Variants in ESCO1 observed in about 807,000 individuals in gnomAD.
ESCO1 encodes N-acetyltransferase ESCO1.
A neutral mutation model predicts 83.5 loss-of-function variants in ESCO1; 33 were observed. The observed-to-expected ratio is 0.40, with a 90% confidence interval of 0.30 to 0.53. The LOEUF (loss-of-function observed/expected upper bound fraction) is 0.53, where lower values mean the gene tolerates loss of function less well. ESCO1 is among the 20% of genes least tolerant of loss of function. The probability of loss-of-function intolerance (pLI) is 0.63; values close to 1 mark genes in which losing one functional copy is unlikely to be tolerated. For missense variants in ESCO1, 855 were observed against 968.0 expected (o/e 0.88, Z 1.55); for synonymous variants, 332 against 324.3 (o/e 1.02, Z -0.25).
At chr18:21,591,828 G>A (rs2038674787) in intron 1 of ESCO1, among the ~76,000 whole-genome samples, 1 of 151,934 alleles carries the variant, frequency 6.6e-6, no homozygotes, top group Non-Finnish European at 1.5e-5. Context: ...CTTCCGCAGT[G>A]TTTGTGTCCC....
At position 21,573,465 on chromosome 18, in the gene ESCO1, G is replaced by C; in HGVS notation, c.1379C>G (p.Ser460Cys). 6.2e-7 allele frequency: 1 copy of C among 1,611,902 alleles called. No individual in the cohort carries two copies. The stretch of plus-strand genomic sequence containing the variant: ...AATATCATTAATTTTCACTTCTTCA[G>C]AATTAATTTCTTTCATTTTTTCCTG... The part of the protein sequence containing the change: ...CQQEKMKEIN[S>C]EEVKINDITV... The change falls in exon 4 of 12, where the codon TCT becomes TGT. Residue 460 changes from serine (S) to cysteine (C), a missense_variant. Around this residue, in one of 2 missense-constraint regions of ESCO1, gnomAD observed 726 missense variants for 699.5 expected, o/e 1.04. Coordinates refer to ENST00000269214, the MANE Select transcript of ESCO1 (RefSeq NM_052911.3).
intron 1 of ESCO1, among the ~76,000 whole-genome samples, chr18:21,600,080 ACCCCACATCGCG>A (rs2038820860): frequency 6.6e-6 from 1 of 152,014 alleles, no homozygotes; most frequent in Non-Finnish European, 1.5e-5. Context: ...TAAAACCAAG[ACCCCACATCGCG>A]CCCCGCAAAC....
At chr18:21,597,808 A>C (rs2038787380) in intron 1 of ESCO1, among the ~76,000 whole-genome samples, 1 of 152,220 alleles carries the variant, frequency 6.6e-6, no homozygotes, top group Admixed American at 6.5e-5. Context: ...AACAGAGCAG[A>C]GGATATAAAT....
At chr18:21,533,931 G>T (rs975176986) in intron 10 of ESCO1, among the ~76,000 whole-genome samples, 1 of 152,062 alleles carries the variant, frequency 6.6e-6, no homozygotes, top group Non-Finnish European at 1.5e-5. Flanking sequence ...AGAGACAAGA[G>T]TCTGGCTATG....
Position 21,575,079 on chromosome 18 carries a change from G to T in ESCO1, c.-236C>A. The T allele has an allele frequency of 2.6e-6, 1 of 380,692 alleles. No individual in the cohort carries two copies. Among genetic ancestry groups the T allele is most frequent in the Non-Finnish European group, 4.6e-6 (1 of 215,900 alleles). 23.6% of individuals were successfully genotyped at this position (380,692 alleles called of 1,614,324 possible). A position where few individuals can be genotyped will look rare whatever the true frequency, so the allele number is the denominator to read the frequency against. ...GCTAAAAGACACTTGCTTTACTTTG[G>T]ACAAGGTAATAAAAATTTGAGGAAA... is the stretch of plus-strand genomic sequence containing the variant. On this transcript the variant is annotated 5_prime_UTR_variant, in exon 4 of 12. Coordinates refer to ENST00000269214, the MANE Select transcript of ESCO1 (RefSeq NM_052911.3).
chr18:21,573,365 GTCAGAAGGT>G lies in ESCO1; in HGVS notation c.1470_1478del (p.Lys490_Asp493delinsAsn), dbSNP rs1489611563. On this transcript the variant is annotated inframe_deletion, in exon 4 of 12. Transcript: ENST00000269214. Reference sequence around the variant, plus strand: ...GTTTCATCTGATTATCCAATGGTGGGTCAGAAGGTTTTATCTCATTGGCCAAATGACAAT... The same window carrying G: ...GTTTCATCTGATTATCCAATGGTGGGTTTATCTCATTGGCCAAATGACAAT... The G allele has an allele frequency of 1.9e-6, 3 of 1,597,498 alleles. No individual in the cohort carries two copies. Among genetic ancestry groups the G allele is most frequent in the Non-Finnish European group, 2.6e-6 (3 of 1,176,270 alleles).
At chr18:21,588,603 A>G (rs2038616230) in intron 1 of ESCO1, among the ~76,000 whole-genome samples, 1 of 152,164 alleles carries the variant, frequency 6.6e-6, no homozygotes, top group Admixed American at 6.5e-5. Flanking sequence ...TATCCTACAA[A>G]TTAATAAAAC....
chr18:21,582,665 T>G (rs1221729824), intron 2 of ESCO1, among the ~76,000 whole-genome samples: 1 of 152,202 alleles, frequency 6.6e-6, no homozygotes, highest in Non-Finnish European at 1.5e-5. Context: ...AACCAAAATA[T>G]ATTTACAGGG....
At chr18:21,570,009 T>C (rs1312608739) in intron 4 of ESCO1, among the ~76,000 whole-genome samples, 3 of 152,208 alleles carry the variant, frequency 2.0e-5, no homozygotes, top group African/African-American at 7.2e-5. Context: ...TGAACCAATA[T>C]GGTCACCACC....
At chr18:21,581,917 T>TA (rs758873985) in intron 2 of ESCO1, among the ~76,000 whole-genome samples, 3,067 of 124,594 alleles carry the variant, frequency 0.025, 38 homozygotes, top group Admixed American at 0.033. Flanking sequence ...TCATCTATAC[T>TA]AAAAAAAAAA....
intron 8 of ESCO1, among the ~76,000 whole-genome samples, chr18:21,550,986 C>T (rs559730825): frequency 1.3e-5 from 2 of 151,996 alleles, no homozygotes; most frequent in South Asian, 4.1e-4. Flanking sequence ...GTGGCAGGAG[C>T]CTGTAGTCCC....
In ESCO1 at chr18:21,560,965, G is replaced by C; in HGVS notation, c.1847C>G (p.Ala616Gly). The C allele has an allele frequency of 1.9e-6, 3 of 1,592,372 alleles. No individual in the cohort carries two copies. The highest frequency in any genetic ancestry group is 2.6e-6 in the Non-Finnish European group (3 of 1,172,166). The change falls in exon 8 of 12, where the codon GCA (alanine) becomes GGA (glycine). Residue 616 changes from alanine to glycine, a missense_variant. By Grantham distance (60) the Ala-to-Gly change is moderately conservative. Coordinates refer to ENST00000269214, the MANE Select transcript of ESCO1 (RefSeq NM_052911.3). Reference protein sequence around the residue: ...IIDAGQKRFGAVSCNVCGMLY... With the variant: ...IIDAGQKRFGGVSCNVCGMLY... The stretch of plus-strand genomic sequence containing the variant: ...CATTCCACAAACATTACAAGAAACT[G>C]CTCCAAATCTTTTTTGTCCTGCATC...
Position 21,573,394 on chromosome 18 carries a change from G to A in ESCO1, c.1450C>T (p.His484Tyr). 6.2e-7 allele frequency: 1 copy of A among 1,609,866 alleles called. No homozygotes were observed. The highest frequency in any genetic ancestry group is 1.1e-5 in the South Asian group (1 of 89,562). ...KTTERAPENC[H>Y]LANEIKPSDP... is the part of the protein sequence containing the mutation. ...GAAGGTTTTATCTCATTGGCCAAAT[G>A]ACAATTTTCAGGAGCCCTTTCTGTG... Residue 484 changes from histidine (H) to tyrosine (Y), a missense_variant, in exon 4 of 12, where the codon CAT (histidine) becomes TAT (tyrosine). Around this residue, in one of 2 missense-constraint regions of ESCO1, gnomAD observed 726 missense variants for 699.5 expected, o/e 1.04. Transcript: ENST00000269214.
intron 8 of ESCO1, among the ~76,000 whole-genome samples, chr18:21,546,902 C>T (rs867947446): frequency 2.6e-5 from 4 of 152,252 alleles, no homozygotes; most frequent in Middle Eastern, 6.8e-3. Context: ...ATTCATGATC[C>T]GGTCCCCCAT....
chr18:21,576,970 T>C (rs1311705509), intron 2 of ESCO1, among the ~76,000 whole-genome samples: 3 of 150,684 alleles, frequency 2.0e-5, no homozygotes, highest in Non-Finnish European at 1.5e-5. Context: ...GAGGTGGAGG[T>C]TGCAGTGAGC....
chr18:21,585,447 T>C (rs1162391017), intron 1 of ESCO1, among the ~76,000 whole-genome samples: 7 of 152,138 alleles, frequency 4.6e-5, no homozygotes, highest in Admixed American at 1.3e-4. Context: ...TCTTTACCCA[T>C]TGAATTGTCC....
intron 1 of ESCO1, among the ~76,000 whole-genome samples, chr18:21,586,944 C>T (rs991871256): frequency 8.5e-5 from 13 of 152,282 alleles, no homozygotes; most frequent in African/African-American, 2.9e-4. Context: ...GCAGTTTTAT[C>T]ATGAAAGGAT....
At chr18:21,597,737 T>C (rs1277017500) in intron 1 of ESCO1, among the ~76,000 whole-genome samples, 1 of 152,104 alleles carries the variant, frequency 6.6e-6, no homozygotes, top group Non-Finnish European at 1.5e-5. Flanking sequence ...ACCTTTTAAT[T>C]TACCCTCTGA....
At chr18:21,549,104 T>C (rs961735979) in intron 8 of ESCO1, among the ~76,000 whole-genome samples, 2 of 152,186 alleles carry the variant, frequency 1.3e-5, no homozygotes, top group Admixed American at 6.5e-5. Flanking sequence ...GTAGAATCAT[T>C]TGATACAACT....
Sources: allele counts gnomAD v4.1 joint callset (sites outside exome capture counted in the v4.1 genomes callset), GRCh38; gene constraint gnomAD v4.1.1; regional missense constraint gnomAD v4.1.1; transcripts MANE v1.5; gene names NCBI Gene and HGNC (gene_info 2026-07-23, HGNC 2026-07-21).